The following KCNK1 variants were observed in gnomAD, a reference collection of about 807,000 sequenced individuals.
The protein encoded by KCNK1 is potassium channel subfamily K member 1.
In KCNK1, 10 loss-of-function variants were observed where a neutral mutation model predicts 22.2. The ratio of observed to expected loss-of-function variants is 0.45; its 90% CI spans 0.28 to 0.76. The LOEUF (loss-of-function observed/expected upper bound fraction) is 0.76. KCNK1 is among the 30% of genes least tolerant of loss of function. KCNK1 has a pLI of 0.14. For synonymous variants in KCNK1, 200 were observed against 186.4 expected (o/e 1.07, Z -0.60); for missense variants, 378 against 421.0 (o/e 0.90, Z 0.89).
chr1:233,614,536 C>T lies in KCNK1; in HGVS notation c.355+10C>T. 1.3e-6 allele frequency: 2 copies of T among 1,553,328 alleles called. No individual in the cohort carries two copies. Among genetic ancestry groups the T allele is most frequent in the Non-Finnish European group, 1.7e-6 (2 of 1,146,444 alleles). On this transcript the variant is annotated intron_variant, in intron 1 of 2. Coordinates refer to ENST00000366621, the MANE Select transcript of KCNK1 (RefSeq NM_002245.4). Reference sequence around the variant, plus strand: ...GTGCTCTCCACCACAGGTAGGGTATCCTGCGCGCCCCCTGGCCGCCCCGGC... The same window carrying T: ...GTGCTCTCCACCACAGGTAGGGTATTCTGCGCGCCCCCTGGCCGCCCCGGC...
At chr1:233,634,864 T>C (rs368455517) in intron 1 of KCNK1, among the ~76,000 whole-genome samples, 1 of 152,354 alleles carries the variant, frequency 6.6e-6, no homozygotes, top group East Asian at 1.9e-4. Flanking sequence ...TGCTGAGGCA[T>C]ATGAGTATGA....
At position 233,662,374 on chromosome 1, in the gene KCNK1, A is replaced by G. The variant is rs1451596320; in HGVS notation, c.356-4221A>G. Among the ~76,000 whole-genome samples the G allele has an allele frequency of 3.3e-5, 5 of 152,160 alleles. No individual in the cohort carries two copies. The East Asian group carries it at 5.8e-4, about 18-fold the overall frequency. The stretch of plus-strand genomic sequence containing the variant: ...TTCCATATCATACTAAATAATGCAA[A>G]TAAGTGATACTGTTACAGACTCAGG... On this transcript the variant is annotated intron_variant, in intron 1 of 2. Transcript: ENST00000366621.
chr1:233,669,777 C>T (rs1658564084), intron 2 of KCNK1, among the ~76,000 whole-genome samples: 1 of 152,096 alleles, frequency 6.6e-6, no homozygotes, highest in Admixed American at 6.5e-5. Context: ...GCTTAGGTGA[C>T]AGAATGAGGC....
At chr1:233,669,399 T>G (rs1658557096) in intron 2 of KCNK1, among the ~76,000 whole-genome samples, 1 of 152,250 alleles carries the variant, frequency 6.6e-6, no homozygotes, top group Non-Finnish European at 1.5e-5. Flanking sequence ...AAAAGCAATC[T>G]ACATAGAATT....
intron 1 of KCNK1, among the ~76,000 whole-genome samples, chr1:233,619,512 T>C (rs1657540939): frequency 6.6e-6 from 1 of 152,172 alleles, no homozygotes; most frequent in Admixed American, 6.5e-5. Flanking sequence ...ATAAAGAAGA[T>C]GGGAAGAGGC....
intron 1 of KCNK1, among the ~76,000 whole-genome samples, chr1:233,654,519 C>T (rs1349603303): frequency 1.3e-5 from 2 of 152,072 alleles, no homozygotes; most frequent in African/African-American, 4.8e-5. Flanking sequence ...TGACAGCCTA[C>T]ATTAAAATGT....
At chr1:233,620,317 G>A (rs1398152533) in intron 1 of KCNK1, among the ~76,000 whole-genome samples, 1 of 152,140 alleles carries the variant, frequency 6.6e-6, no homozygotes, top group Non-Finnish European at 1.5e-5. Context: ...TGAAAGGTAC[G>A]CTAAGAGTAT....
chr1:233,664,688 G>A lies in KCNK1; in HGVS notation c.356-1907G>A, dbSNP rs183843003. On this transcript the variant is annotated intron_variant, in intron 1 of 2. Coordinates refer to ENST00000366621, the MANE Select transcript of KCNK1 (RefSeq NM_002245.4). ...GTGGGTCAAGAACCCTGCCTCTGCCGTGGTGAGGCCGTACATGGGAATAAT... is the reference window on the plus strand; with the variant it reads ...GTGGGTCAAGAACCCTGCCTCTGCCATGGTGAGGCCGTACATGGGAATAAT... 2.9e-3 allele frequency among the ~76,000 whole-genome samples: 435 copies of A among 152,292 alleles called. 1 individual carries two copies. The highest frequency in any genetic ancestry group is 4.1e-3 in the Non-Finnish European group (282 of 68,022).
intron 1 of KCNK1, chr1:233,631,509 A>T (rs964788183): frequency 1.4e-4 from 46 of 340,666 alleles, no homozygotes; most frequent in South Asian, 1.0e-3. Flanking sequence ...CATTAATCTA[A>T]CTGAATTTCT....
intron 2 of KCNK1, among the ~76,000 whole-genome samples, chr1:233,668,017 G>A (rs1658530050): frequency 6.6e-6 from 1 of 152,128 alleles, no homozygotes; most frequent in African/African-American, 2.4e-5. Flanking sequence ...CAGATGGTCA[G>A]GGATTTATAA....
At chr1:233,625,850 G>T (rs1049882023) in intron 1 of KCNK1, among the ~76,000 whole-genome samples, 1 of 152,162 alleles carries the variant, frequency 6.6e-6, no homozygotes, top group African/African-American at 2.4e-5. Flanking sequence ...CCTATTGGAG[G>T]TGCAGCTAGA....
At chr1:233,659,936 G>A (rs1298617433) in intron 1 of KCNK1, among the ~76,000 whole-genome samples, 1 of 152,132 alleles carries the variant, frequency 6.6e-6, no homozygotes, top group Non-Finnish European at 1.5e-5. Context: ...CAAGGGGCTG[G>A]TTCTCACCTG....
chr1:233,640,181 A>C (rs1657977448), intron 1 of KCNK1, among the ~76,000 whole-genome samples: 1 of 152,188 alleles, frequency 6.6e-6, no homozygotes, highest in Admixed American at 6.5e-5. Flanking sequence ...CATTTGAATA[A>C]ATTGGAAACA....
At chr1:233,659,456 A>G (rs2102906629) in intron 1 of KCNK1, among the ~76,000 whole-genome samples, 1 of 150,128 alleles carries the variant, frequency 6.7e-6, no homozygotes, top group South Asian at 2.2e-4. Flanking sequence ...GTCAAATGTA[A>G]ACCAGCTTCA....
At chr1:233,623,499 TC>T (rs1218327536) in intron 1 of KCNK1, among the ~76,000 whole-genome samples, 1 of 152,252 alleles carries the variant, frequency 6.6e-6, no homozygotes, top group Non-Finnish European at 1.5e-5. Flanking sequence ...CCTGATGTGA[TC>T]ACTGTACATT....
intron 1 of KCNK1, among the ~76,000 whole-genome samples, chr1:233,644,590 C>G (rs1658057835): frequency 6.6e-6 from 1 of 152,144 alleles, no homozygotes; most frequent in Non-Finnish European, 1.5e-5. Context: ...AGAAAGCCTT[C>G]TCTTGGGACA....
intron 1 of KCNK1, among the ~76,000 whole-genome samples, chr1:233,659,835 A>C (rs1471134874): frequency 6.6e-6 from 1 of 152,214 alleles, no homozygotes. Flanking sequence ...TAAGTAAACA[A>C]ACACAATAAA....
intron 1 of KCNK1, among the ~76,000 whole-genome samples, chr1:233,619,666 C>T (rs1028467781): frequency 1.3e-5 from 2 of 152,004 alleles, no homozygotes; most frequent in East Asian, 1.9e-4. Flanking sequence ...AATCCCAGCA[C>T]TTTGGGAAGC....
intron 1 of KCNK1, among the ~76,000 whole-genome samples, chr1:233,652,432 G>T (rs1448999500): frequency 6.6e-6 from 1 of 152,078 alleles, no homozygotes; most frequent in African/African-American, 2.4e-5. Context: ...TCAGATCTTT[G>T]GAAAACTATT....
Sources: allele counts gnomAD v4.1 joint callset (sites outside exome capture counted in the v4.1 genomes callset), GRCh38; gene constraint gnomAD v4.1.1; transcripts MANE v1.5; gene names NCBI Gene and HGNC (gene_info 2026-07-23, HGNC 2026-07-21).